SLC24A2: variants seen among roughly 807,000 people sequenced by gnomAD.
The protein encoded by SLC24A2 is solute carrier family 24 member 2, also known as sodium/potassium/calcium exchanger 2.
SLC24A2 carries 36 observed loss-of-function variants against 62.0 expected under a neutral mutation model. That is an observed-to-expected ratio of 0.58 (90% CI 0.44 to 0.77). The LOEUF (loss-of-function observed/expected upper bound fraction) is 0.77, where lower values mean the gene tolerates loss of function less well. Ranked by LOEUF, SLC24A2 falls within the 30% of genes least tolerant of loss-of-function variation. The pLI, the probability that SLC24A2 is intolerant of heterozygous loss-of-function variation, is 0.00. For synonymous variants in SLC24A2, 358 were observed against 294.0 expected (o/e 1.22, Z -2.23); for missense variants, 846 against 817.9 (o/e 1.03, Z -0.42).
chr9:19,827,059 A>T, the SLC24A2 span, among the ~76,000 whole-genome samples: 1 of 152,188 alleles, frequency 6.6e-6, no homozygotes, highest in African/African-American at 2.4e-5. Flanking sequence ...CTTGCTTCCC[A>T]CACACTCAGC....
chr9:20,210,171 G>A, the SLC24A2 span, among the ~76,000 whole-genome samples: 1 of 152,154 alleles, frequency 6.6e-6, no homozygotes, highest in Non-Finnish European at 1.5e-5. Flanking sequence ...TAAAAGACCT[G>A]CTGTGGTTTT....
chr9:19,867,167 AT>A, the SLC24A2 span, among the ~76,000 whole-genome samples: 3 of 152,132 alleles, frequency 2.0e-5, no homozygotes, highest in Admixed American at 1.3e-4. Context: ...TATCAAAAAA[AT>A]CTCATATGCC....
the SLC24A2 span, among the ~76,000 whole-genome samples, chr9:19,835,322 A>C: frequency 6.6e-6 from 1 of 152,246 alleles, no homozygotes; most frequent in African/African-American, 2.4e-5. Context: ...TGCTGTATTC[A>C]GGAAATCCAT....
the SLC24A2 span, among the ~76,000 whole-genome samples, chr9:19,895,495 T>A: frequency 2.0e-5 from 3 of 151,418 alleles, no homozygotes; most frequent in African/African-American, 7.3e-5. Flanking sequence ...TTCTAATAGA[T>A]GAAAGTGATA....
chr9:20,296,028 T>A, the SLC24A2 span, among the ~76,000 whole-genome samples: 5 of 152,218 alleles, frequency 3.3e-5, no homozygotes, highest in African/African-American at 1.2e-4. Flanking sequence ...ATGGAAGAGA[T>A]CTGTGAAAGT....
At chr9:19,825,170 G>C in the SLC24A2 span, among the ~76,000 whole-genome samples, 7 of 152,088 alleles carry the variant, frequency 4.6e-5, no homozygotes, top group Non-Finnish European at 1.0e-4. Context: ...ATGTACCCCA[G>C]AACTTAAAGT....
chr9:19,822,048 A>G, the SLC24A2 span, among the ~76,000 whole-genome samples: 1 of 152,180 alleles, frequency 6.6e-6, no homozygotes, highest in Non-Finnish European at 1.5e-5. Flanking sequence ...GGTTCCCAAC[A>G]TTTTAAAATA....
At chr9:19,947,203 C>T in the SLC24A2 span, among the ~76,000 whole-genome samples, 4 of 152,178 alleles carry the variant, frequency 2.6e-5, no homozygotes, top group African/African-American at 9.6e-5. Flanking sequence ...AAAGCTAAAA[C>T]AAATGGATTG....
At chr9:20,022,439 C>T in the SLC24A2 span, among the ~76,000 whole-genome samples, 1 of 152,094 alleles carries the variant, frequency 6.6e-6, no homozygotes, top group African/African-American at 2.4e-5. Flanking sequence ...TGCAACTTGC[C>T]CAAGCTTTTA....
chr9:19,967,800 A>G, the SLC24A2 span: 1 of 152,208 alleles, frequency 6.6e-6, no homozygotes, highest in Non-Finnish European at 1.5e-5. Context: ...TCATTAGACA[A>G]ATGTTGCCAT....
the SLC24A2 span, among the ~76,000 whole-genome samples, chr9:19,874,831 A>C: frequency 1.3e-5 from 2 of 152,272 alleles, no homozygotes; most frequent in East Asian, 3.9e-4. Context: ...TAAGCAAATA[A>C]TTTGAGCAGA....
chr9:20,009,055 T>A, the SLC24A2 span, among the ~76,000 whole-genome samples: 1 of 152,142 alleles, frequency 6.6e-6, no homozygotes, highest in Non-Finnish European at 1.5e-5. Context: ...AGCATACTCC[T>A]CCTTCCTTAA....
At chr9:19,961,178 T>C in the SLC24A2 span, among the ~76,000 whole-genome samples, 3 of 151,324 alleles carry the variant, frequency 2.0e-5, no homozygotes, top group East Asian at 2.0e-4. Flanking sequence ...ATAATACATA[T>C]GTAACAAACC....
intron 2 of SLC24A2, among the ~76,000 whole-genome samples, chr9:19,636,498 C>A (rs955860807): frequency 6.7e-6 from 1 of 148,540 alleles, no homozygotes; most frequent in African/African-American, 2.5e-5. Flanking sequence ...GTGGTGTGAT[C>A]TCGGCTCACT....
the SLC24A2 span, among the ~76,000 whole-genome samples, chr9:20,110,546 G>C: frequency 1.6e-4 from 24 of 151,426 alleles, no homozygotes; most frequent in African/African-American, 5.8e-4. Context: ...AGTTTTACCA[G>C]TCTCCTCTTC....
At chr9:19,555,518 T>G (rs1234138071) in intron 7 of SLC24A2, among the ~76,000 whole-genome samples, 2 of 152,216 alleles carry the variant, frequency 1.3e-5, no homozygotes, top group Non-Finnish European at 2.9e-5. Context: ...AACCATTCAT[T>G]TTATCCTTTT....
intron 5 of SLC24A2, among the ~76,000 whole-genome samples, chr9:19,585,072 C>T (rs1221033432): frequency 6.6e-6 from 1 of 151,942 alleles, no homozygotes; most frequent in Non-Finnish European, 1.5e-5. Context: ...GTGACCAAAC[C>T]CATTATACAA....
chr9:19,978,737 A>T, the SLC24A2 span, among the ~76,000 whole-genome samples: 1 of 152,166 alleles, frequency 6.6e-6, no homozygotes, highest in African/African-American at 2.4e-5. Flanking sequence ...TTAATTCTAT[A>T]AATTGGCAGA....
chr9:19,941,909 A>C, the SLC24A2 span, among the ~76,000 whole-genome samples: 1 of 152,172 alleles, frequency 6.6e-6, no homozygotes, highest in African/African-American at 2.4e-5. Flanking sequence ...GTGTATGTGC[A>C]TGTATACATA....
Sources: gnomAD v4.1 joint callset for allele counts (sites outside exome capture counted in the v4.1 genomes callset) on GRCh38, gnomAD v4.1.1 for gene constraint, MANE v1.5 for transcripts, NCBI Gene and HGNC (gene_info 2026-07-23, HGNC 2026-07-21) for gene names.